ADCY8: variants seen among roughly 807,000 people sequenced by gnomAD.
The protein encoded by ADCY8 is adenylate cyclase type 8.
In ADCY8, 51 loss-of-function variants were observed where a neutral mutation model predicts 119.7. The ratio of observed to expected loss-of-function variants is 0.43; its 90% CI spans 0.34 to 0.54. The LOEUF (loss-of-function observed/expected upper bound fraction) is 0.54. Ranked by LOEUF, ADCY8 falls within the 20% of genes least tolerant of loss-of-function variation. The pLI is 0.03. For missense variants in ADCY8, 1,383 were observed against 1,598.8 expected, an observed-to-expected ratio of 0.87 and a Z score of 2.30; for synonymous variants, 665 against 651.0, an observed-to-expected ratio of 1.02 and a Z score of -0.33.
At chr8:130,917,761 G>A (rs912826426) in intron 5 of ADCY8, among the ~76,000 whole-genome samples, 6 of 138,468 alleles carry the variant, frequency 4.3e-5, no homozygotes, top group African/African-American at 1.9e-4. Flanking sequence ...GGCACAGGGA[G>A]TTTGTGTGTG....
intron 12 of ADCY8, among the ~76,000 whole-genome samples, chr8:130,835,540 T>C (rs1436714868): frequency 6.6e-6 from 1 of 152,208 alleles, no homozygotes. Flanking sequence ...GGGGTTTCAT[T>C]AGCCTTGCCT....
chr8:131,030,756 T>C (rs1176260840), intron 1 of ADCY8, among the ~76,000 whole-genome samples: 2 of 152,252 alleles, frequency 1.3e-5, no homozygotes, highest in African/African-American at 4.8e-5. Context: ...TCAATAGTTA[T>C]TCCACCTTTC....
intron 7 of ADCY8, among the ~76,000 whole-genome samples, 196 bp from the exon 8 acceptor site, chr8:130,884,957 A>G (rs1818924011): frequency 6.6e-6 from 1 of 152,168 alleles, no homozygotes; most frequent in Admixed American, 6.5e-5. Context: ...TCACATCCAG[A>G]GGGACACTTC....
intron 2 of ADCY8, among the ~76,000 whole-genome samples, chr8:130,960,166 G>C (rs1353907814): frequency 6.6e-6 from 1 of 152,174 alleles, no homozygotes; most frequent in Non-Finnish European, 1.5e-5. Flanking sequence ...TAGGAATTGG[G>C]ACTGTGAAAG....
intron 1 of ADCY8, among the ~76,000 whole-genome samples, chr8:130,991,710 T>C (rs932537432): frequency 6.6e-6 from 1 of 152,172 alleles, no homozygotes; most frequent in Non-Finnish European, 1.5e-5. Context: ...AACATTAAAA[T>C]GTGACTCAAT....
At chr8:131,026,366 T>G (rs768026735) in intron 1 of ADCY8, among the ~76,000 whole-genome samples, 1 of 151,954 alleles carries the variant, frequency 6.6e-6, no homozygotes, top group African/African-American at 2.4e-5. Context: ...CCTCCAGAAC[T>G]ATGAGAAATA....
At chr8:131,012,330 C>A (rs1823334264) in intron 1 of ADCY8, among the ~76,000 whole-genome samples, 1 of 152,226 alleles carries the variant, frequency 6.6e-6, no homozygotes, top group Non-Finnish European at 1.5e-5. Flanking sequence ...ACAAGACCAG[C>A]AGAGGTACTA....
At chr8:130,943,831 C>T (rs1167380627) in intron 3 of ADCY8, among the ~76,000 whole-genome samples, 2 of 152,186 alleles carry the variant, frequency 1.3e-5, no homozygotes, top group Non-Finnish European at 2.9e-5. Context: ...CAGCAATGCA[C>T]ATGCAATGAA....
At chr8:130,979,031 G>A (rs565465356) in intron 2 of ADCY8, among the ~76,000 whole-genome samples, 46 of 152,218 alleles carry the variant, frequency 3.0e-4, no homozygotes, top group East Asian at 7.7e-4. Context: ...TGGTTGGGGC[G>A]GAAGACAGTC....
At position 130,902,422 on chromosome 8, in the gene ADCY8, G is replaced by T. The variant is rs573548019; in HGVS notation, c.1911+1350C>A. The stretch of plus-strand genomic sequence containing the variant: ...GACTTTTGTGTGCATAATAATTTTT[G>T]GGGGAAATTAAACACTCACAAAAGA... On this transcript the variant is annotated intron_variant, in intron 7 of 17. Transcript: ENST00000286355. 1.2e-4 allele frequency among the ~76,000 whole-genome samples: 19 copies of T among 152,230 alleles called. No homozygotes were observed. In the South Asian group the frequency reaches 1.5e-3, roughly 12 times the overall value.
intron 5 of ADCY8, among the ~76,000 whole-genome samples, chr8:130,932,416 C>T (rs1251001772): frequency 1.3e-5 from 2 of 152,138 alleles, no homozygotes; most frequent in African/African-American, 2.4e-5. Context: ...TGAGGGTCTG[C>T]CTAGTGCTGG....
chr8:130,936,220 T>C (rs553753248), intron 5 of ADCY8, among the ~76,000 whole-genome samples: 2 of 152,216 alleles, frequency 1.3e-5, no homozygotes, highest in South Asian at 2.1e-4. Context: ...CTGACAATAC[T>C]AAGATTCTGT....
chr8:130,865,404 G>C (rs1315450126), intron 9 of ADCY8, among the ~76,000 whole-genome samples: 1 of 151,312 alleles, frequency 6.6e-6, no homozygotes, highest in Non-Finnish European at 1.5e-5. Flanking sequence ...TCTAATTTTG[G>C]TTAGGTTGTT....
chr8:130,957,080 CAG>C (rs1821451248), intron 2 of ADCY8, among the ~76,000 whole-genome samples: 1 of 152,136 alleles, frequency 6.6e-6, no homozygotes. Context: ...GGGTAACAGG[CAG>C]AGGTTGGAAC....
intron 9 of ADCY8, among the ~76,000 whole-genome samples, chr8:130,853,707 C>A (rs1281537505): frequency 6.6e-6 from 1 of 151,752 alleles, no homozygotes; most frequent in Non-Finnish European, 1.5e-5. Context: ...GAGTCCCTGA[C>A]CCAGTTTTAA....
chr8:130,922,225 TTTAA>T (rs1820332195), intron 5 of ADCY8, among the ~76,000 whole-genome samples: 1 of 151,502 alleles, frequency 6.6e-6, no homozygotes, highest in Non-Finnish European at 1.5e-5. Flanking sequence ...TTTTTTTTTT[TTTAA>T]TTGATCATTC....
chr8:130,882,534 G>T (rs1818815701), intron 8 of ADCY8, among the ~76,000 whole-genome samples: 1 of 152,072 alleles, frequency 6.6e-6, no homozygotes. Context: ...GGGGACTCCT[G>T]GCAGAGGCAG....
At chr8:130,840,284 G>C (rs1817100179) in intron 11 of ADCY8, among the ~76,000 whole-genome samples, 1 of 137,888 alleles carries the variant, frequency 7.3e-6, no homozygotes, top group African/African-American at 2.5e-5. Context: ...GCATCATTCA[G>C]CTGAACTTAC....
At chr8:130,862,042 G>A (rs773666633) in intron 9 of ADCY8, among the ~76,000 whole-genome samples, 3 of 152,098 alleles carry the variant, frequency 2.0e-5, no homozygotes, top group Admixed American at 6.5e-5. Flanking sequence ...GGAGCATGGC[G>A]TATGCTTCTT....
Sources: allele counts gnomAD v4.1 joint callset (sites outside exome capture counted in the v4.1 genomes callset), GRCh38; gene constraint gnomAD v4.1.1; transcripts MANE v1.5; gene names NCBI Gene and HGNC (gene_info 2026-07-23, HGNC 2026-07-21).